The following ZNF584 variants were observed in gnomAD, a reference collection of about 807,000 sequenced individuals.
ZNF584 encodes zinc finger protein 584.
In ZNF584, 12 loss-of-function variants were observed where a neutral mutation model predicts 14.7. The ratio of observed to expected loss-of-function variants is 0.82; its 90% CI spans 0.52 to 1.32. The LOEUF (loss-of-function observed/expected upper bound fraction) is 1.32. ZNF584 is among the 40% of genes most tolerant of loss of function. ZNF584 has a pLI of 0.00. For missense variants in ZNF584, 478 were observed against 518.8 expected (o/e 0.92, Z 0.76); for synonymous variants, 204 against 190.9 (o/e 1.07, Z -0.57).
In ZNF584 at chr19:58,415,851, C is replaced by T. The variant is rs373033447; in HGVS notation, c.292+205C>T. Reference sequence around the variant, plus strand: ...ATGTTCCTGCCTCTCTGGCCTGCGTCTCCTCATTGCCCTTCTCTGTATCTG... The same window carrying T: ...ATGTTCCTGCCTCTCTGGCCTGCGTTTCCTCATTGCCCTTCTCTGTATCTG... On this transcript the variant is annotated intron_variant, in intron 3 of 3. Transcript: ENST00000306910. 9 of 1,600,034 alleles carry T rather than the reference C, an allele frequency of 5.6e-6. No homozygotes were observed. In the African/African-American group the frequency reaches 1.1e-4, roughly 19 times the overall value.
chr19:58,411,916 A>AT (rs1232920946), intron 2 of ZNF584, among the ~76,000 whole-genome samples: 1 of 144,672 alleles, frequency 6.9e-6, no homozygotes, highest in Non-Finnish European at 1.5e-5. Flanking sequence ...CTAATTGTTG[A>AT]TTTTCATATG....
At chr19:58,413,742 C>G (rs1293136233) in intron 2 of ZNF584, among the ~76,000 whole-genome samples, 1 of 151,888 alleles carries the variant, frequency 6.6e-6, no homozygotes, top group East Asian at 1.9e-4. Context: ...CACAGGTGAT[C>G]CACCCACCTC....
At chr19:58,412,796 G>A (rs992769756) in intron 2 of ZNF584, among the ~76,000 whole-genome samples, 7 of 152,110 alleles carry the variant, frequency 4.6e-5, no homozygotes, top group Non-Finnish European at 7.4e-5. Flanking sequence ...TGTGTTTTGG[G>A]GGGAATGTTT....
intron 3 of ZNF584, 21 bp from the exon 4 acceptor site, chr19:58,416,790 A>G (rs1408233487): frequency 6.6e-7 from 1 of 1,525,544 alleles, no homozygotes. Flanking sequence ...ACTCTTAGTA[A>G]TGATTCATCT....
chr19:58,409,095 G>T lies in ZNF584; in HGVS notation c.-53G>T, dbSNP rs1399548667. ...GGCCGAGGGTTTCCGCGCCCGGGAC[G>T]CGTTTCGGCTGAGGCCGTGGGTCCA... On this transcript the variant is annotated 5_prime_UTR_variant, in exon 1 of 4. Transcript: ENST00000306910. The T allele has an allele frequency of 4.4e-5, 64 of 1,463,108 alleles. No homozygotes were observed. The highest frequency in any genetic ancestry group is 5.6e-5 in the Non-Finnish European group (62 of 1,097,572). The allele number at this position is 1,463,108 out of a possible 1,614,324, so 90.6% of individuals were successfully genotyped here.
rs558898899 is a variant in ZNF584, at chr19:58,415,826, A to C, written c.292+180A>C. On this transcript the variant is annotated intron_variant, in intron 3 of 3. Transcript: ENST00000306910. ...CTCTACCATGATTTTCAGGCCCCGC[A>C]TGTTCCTGCCTCTCTGGCCTGCGTC... 4.4e-6 allele frequency: 7 copies of C among 1,602,672 alleles called. No homozygotes were observed. The African/African-American group carries it at 5.3e-5, about 12-fold the overall frequency.
chr19:58,418,167 G>A lies in ZNF584; in HGVS notation c.*383G>A. On this transcript the variant is annotated 3_prime_UTR_variant, in exon 4 of 4. Transcript: ENST00000306910. The stretch of plus-strand genomic sequence containing the variant: ...TGGACATGACCCACCTCTGGCCGGA[G>A]GAGCTGAGCTGGTATCTGCTGGGGG... 4.4e-6 allele frequency: 1 copy of A among 228,976 alleles called. No individual in the cohort carries two copies. The highest frequency in any genetic ancestry group is 5.1e-5 in the Admixed American group (1 of 19,688). The allele number at this position is 228,976 out of a possible 1,614,324, so 14.2% of individuals were successfully genotyped here. A position where few individuals can be genotyped will look rare whatever the true frequency, so the allele number is the denominator to read the frequency against.
chr19:58,412,197 G>GTTTTTTTTTTTTTTTTTT (rs1555785792), intron 2 of ZNF584, among the ~76,000 whole-genome samples: 2 of 97,976 alleles, frequency 2.0e-5, no homozygotes, highest in Admixed American at 9.3e-5. Flanking sequence ...GGCCAGGGTG[G>GTTTTTTTTTTTTTTTTTT]TCTTTTTTTT....
chr19:58,411,896 C>T (rs34152946), intron 2 of ZNF584, among the ~76,000 whole-genome samples: 27,060 of 151,538 alleles, frequency 0.18, 2,651 homozygotes, highest in Non-Finnish European at 0.22. Context: ...CCCCCGTCGG[C>T]CTCCCAACAC....
At chr19:58,412,197 G>GTTTT (rs1555785792) in intron 2 of ZNF584, among the ~76,000 whole-genome samples, 1 of 97,976 alleles carries the variant, frequency 1.0e-5, no homozygotes, top group Non-Finnish European at 1.9e-5. Context: ...GGCCAGGGTG[G>GTTTT]TCTTTTTTTT....
chr19:58,409,199 C>T (rs1486369368), intron 1 of ZNF584, 34 bp downstream of exon 1: 3 of 1,404,576 alleles, frequency 2.1e-6, no homozygotes, highest in Middle Eastern at 1.9e-4. Flanking sequence ...AATGAGGGGG[C>T]CCACCAGGTG....
chr19:58,403,054 ACT>A (rs2052442092), intron 1 of ZNF584, among the ~76,000 whole-genome samples: 1 of 152,248 alleles, frequency 6.6e-6, no homozygotes, highest in African/African-American at 2.4e-5. Context: ...GGCAATGGGA[ACT>A]CTCGTTTACT....
At chr19:58,415,962 CTTAA>C (rs778313645) in intron 3 of ZNF584, 93 of 1,593,328 alleles carry the variant, frequency 5.8e-5, no homozygotes, top group Non-Finnish European at 7.1e-5. Context: ...TCAGCCAATC[CTTAA>C]TTAATACTTA....
intron 2 of ZNF584, among the ~76,000 whole-genome samples, chr19:58,411,069 C>T (rs190149847): frequency 2.0e-3 from 297 of 151,550 alleles, no homozygotes; most frequent in African/African-American, 6.6e-3. Flanking sequence ...GGATTACAGG[C>T]GTGAGCCACT....
rs373955379 is a variant in ZNF584, at chr19:58,410,583, GTATATA to G, written c.169+496_169+501del. 9.9e-3 allele frequency among the ~76,000 whole-genome samples: 264 copies of G among 26,704 alleles called. 44 individuals are homozygous for G. The highest frequency in any genetic ancestry group is 0.082 in the African/African-American group (219 of 2,676). The allele number at this position is 26,704 out of a possible 152,430, so 17.5% of individuals were successfully genotyped here. ...TGTGTATATATATATGTATATATAT[GTATATA>G]TATGTATATATATGTATATATATGT... On this transcript the variant is annotated intron_variant, in intron 2 of 3. Coordinates refer to ENST00000306910, the MANE Select transcript of ZNF584 (RefSeq NM_173548.3).
At chr19:58,403,848 C>T (rs914360629), upstream of ZNF584, among the ~76,000 whole-genome samples, 1 of 151,086 alleles carries the variant, frequency 6.6e-6, no homozygotes, top group Non-Finnish European at 1.5e-5. Context: ...ACGCGCTTGT[C>T]GTCCCAGCTA....
Position 58,409,972 on chromosome 19 carries a change from T to A in ZNF584, c.50T>A (p.Val17Glu). Residue 17 changes from valine (V) to glutamate (E), a missense_variant, in exon 2 of 4, where the codon GTG becomes GAG. Val to Glu is a moderately radical substitution (Grantham distance 121). Transcript: ENST00000306910. ...TTGGACCCATCATTGCAGGGCTTGG[T>A]GATGTTTGAGGATGTGACGGTATAT... ...AQLDPSLQGL[V>E]MFEDVTVYFS... 1 of 1,613,782 alleles carries A rather than the reference T, an allele frequency of 6.2e-7. No homozygotes were observed. Among genetic ancestry groups the A allele is most frequent in the Non-Finnish European group, 8.5e-7 (1 of 1,179,948 alleles).
chr19:58,416,153 G>C (rs1250582490), intron 3 of ZNF584: 2 of 529,380 alleles, frequency 3.8e-6, no homozygotes, highest in Non-Finnish European at 6.6e-6. Context: ...TCTCAGTTGA[G>C]GTTTTCCTTA....
chr19:58,409,218 C>T, intron 1 of ZNF584, 53 bp downstream of exon 1: 1 of 1,387,380 alleles, frequency 7.2e-7, no homozygotes, highest in East Asian at 2.8e-5. Context: ...TGGGGGGCGG[C>T]GTGTGCCAGG....
Sources: gnomAD v4.1 joint callset for allele counts (sites outside exome capture counted in the v4.1 genomes callset) on GRCh38, gnomAD v4.1.1 for gene constraint, MANE v1.5 for transcripts, NCBI Gene and HGNC (gene_info 2026-07-23, HGNC 2026-07-21) for gene names.